ECHS1: variants seen among roughly 807,000 people sequenced by gnomAD.
The protein encoded by ECHS1 is enoyl-CoA hydratase, mitochondrial.
ECHS1 carries 19 observed loss-of-function variants against 33.5 expected under a neutral mutation model. The observed-to-expected ratio is 0.57, with a 90% CI of 0.40 to 0.83. The LOEUF (loss-of-function observed/expected upper bound fraction) is 0.83. ECHS1 is among the 40% of genes least tolerant of loss of function. The pLI, the probability that ECHS1 is intolerant of heterozygous loss-of-function variation, is 0.00. For missense variants in ECHS1, 365 were observed against 381.3 expected (o/e 0.96, Z 0.36); for synonymous variants, 158 against 146.6 (o/e 1.08, Z -0.56).
chr10:133,370,489 G>T, intron 2 of ECHS1, 71 bp downstream of exon 2: 1 of 1,410,516 alleles, frequency 7.1e-7, no homozygotes. Flanking sequence ...AATCTGTCTG[G>T]AGGCTTCTCC....
chr10:133,363,990 G>T (rs145643450), intron 7 of ECHS1, among the ~76,000 whole-genome samples: 29 of 151,994 alleles, frequency 1.9e-4, no homozygotes, highest in African/African-American at 6.8e-4. Context: ...CTGTCTCCCA[G>T]GCTGGAGTGC....
chr10:133,366,057 C>G lies in ECHS1; in HGVS notation c.658G>C (p.Glu220Gln). The G allele has an allele frequency of 6.2e-7, 1 of 1,613,930 alleles. No individual in the cohort carries two copies. Among genetic ancestry groups the G allele is most frequent in the Non-Finnish European group, 8.5e-7 (1 of 1,180,022 alleles). ...SKICPVETLV[E>Q]EAIQCAEKIA... is the part of the protein sequence containing the mutation. ...TTTTCTGCACACTGGATGGCTTCTT[C>G]CACCAGTGTCTCAACAGGACAAATC... Residue 220 changes from glutamate to glutamine, a missense_variant, in exon 6 of 8, where the codon GAA becomes CAA. Transcript: ENST00000368547.
chr10:133,365,948 T>C (rs201457874), intron 6 of ECHS1, 28 bp downstream of exon 6: 123 of 1,612,500 alleles, frequency 7.6e-5, no homozygotes, highest in Middle Eastern at 6.6e-4. Flanking sequence ...CGGAGACCTC[T>C]CCAGTGTCTT....
In ECHS1 at chr10:133,364,720, C is replaced by T; in HGVS notation, c.745G>A (p.Glu249Lys). 6.2e-7 allele frequency: 1 copy of T among 1,613,466 alleles called. No individual in the cohort carries two copies. The highest frequency in any genetic ancestry group is 8.5e-7 in the Non-Finnish European group (1 of 1,179,532). Reference protein sequence around the residue: ...MAKESVNAAFEMTLTEGSKLE... With the variant: ...MAKESVNAAFKMTLTEGSKLE... ...TTACTTCCTTCTGTTAATGTCATTT[C>T]AAAAGCTGAAAAACAAAGTCCCAGA... is the stretch of plus-strand genomic sequence containing the variant. The change falls in exon 7 of 8, where the codon GAA becomes AAA. Residue 249 changes from glutamate to lysine, a missense_variant. Transcript: ENST00000368547.
chr10:133,370,153 C>G (rs966974240), intron 2 of ECHS1, 122 bp from the exon 3 acceptor site: 3 of 1,373,998 alleles, frequency 2.2e-6, no homozygotes, highest in African/African-American at 1.4e-5. Flanking sequence ...TTGCTGGGCA[C>G]GGCTGACACC....
In ECHS1 at chr10:133,362,595, C is replaced by G; in HGVS notation, c.*273G>C. The stretch of plus-strand genomic sequence containing the variant: ...CAGGGACACAAGGACCCGCAGGCCC[C>G]GCTTTCCGTCCGAGCACAGCATGCC... On this transcript the variant is annotated 3_prime_UTR_variant, in exon 8 of 8. Coordinates refer to ENST00000368547, the MANE Select transcript of ECHS1 (RefSeq NM_004092.4). 2.0e-6 allele frequency: 1 copy of G among 503,992 alleles called. No individual in the cohort carries two copies. Among genetic ancestry groups the G allele is most frequent in the Admixed American group, 3.4e-5 (1 of 29,478 alleles). 31.2% of individuals were successfully genotyped at this position (503,992 alleles called of 1,614,324 possible).
At chr10:133,370,530 A>G (rs1849090412) in intron 2 of ECHS1, 30 bp downstream of exon 2, 1 of 1,486,544 alleles carries the variant, frequency 6.7e-7, no homozygotes, top group African/African-American at 1.4e-5. Flanking sequence ...ACATCTGCCC[A>G]GACACAAAGG....
At chr10:133,371,406 G>A (rs1849107286) in intron 1 of ECHS1, 1 of 152,846 alleles carries the variant, frequency 6.5e-6, no homozygotes, top group East Asian at 1.9e-4. Flanking sequence ...GGACTCTGCT[G>A]AGACAAGGCA....
intron 4 of ECHS1, among the ~76,000 whole-genome samples, chr10:133,368,314 C>T (rs1324034400): frequency 1.3e-5 from 2 of 152,152 alleles, no homozygotes; most frequent in Admixed American, 6.5e-5. Context: ...ACAAATGCAC[C>T]GAGCTCACAG....
intron 1 of ECHS1, among the ~76,000 whole-genome samples, chr10:133,372,963 G>C (rs1589884483): frequency 2.4e-5 from 1 of 41,506 alleles, no homozygotes; most frequent in Non-Finnish European, 5.1e-5. Context: ...CAGGTGGGGG[G>C]GTGCGGGGTC....
At chr10:133,363,092 A>G (rs923926162) in intron 7 of ECHS1, among the ~76,000 whole-genome samples, 159 bp from the exon 8 acceptor site, 9 of 152,180 alleles carry the variant, frequency 5.9e-5, no homozygotes, top group African/African-American at 2.2e-4. Flanking sequence ...CTGCCCAATC[A>G]GAGCTGGGCC....
In ECHS1 at chr10:133,371,255, T is replaced by C. The variant is rs190929574; in HGVS notation, c.89-498A>G. ...TCATGCCACTGCACTCCAGCCTGGG[T>C]GACAGAGTGAGACTCCGTCTCAAAA... On this transcript the variant is annotated intron_variant, in intron 1 of 7. Transcript: ENST00000368547. Among the ~76,000 whole-genome samples, 11 of 151,542 alleles carry C rather than the reference T, an allele frequency of 7.3e-5. No individual in the cohort carries two copies. The East Asian group carries it at 1.2e-3, about 16-fold the overall frequency.
intron 4 of ECHS1, among the ~76,000 whole-genome samples, chr10:133,367,625 T>C (rs1849050426): frequency 6.6e-6 from 1 of 151,852 alleles, no homozygotes; most frequent in Non-Finnish European, 1.5e-5. Context: ...CAGCTTCTTG[T>C]GAGAGGCTGG....
At chr10:133,363,951 AC>A (rs200664067) in intron 7 of ECHS1, among the ~76,000 whole-genome samples, 3,778 of 152,102 alleles carry the variant, frequency 0.025, 148 homozygotes, top group African/African-American at 0.085. Context: ...AAAATGAGTT[AC>A]ATTTTTTTTT....
At chr10:133,364,568 G>A (rs1435809252) in intron 7 of ECHS1, 90 bp downstream of exon 7, 9 of 1,045,178 alleles carry the variant, frequency 8.6e-6, no homozygotes, top group Admixed American at 3.8e-5. Context: ...AGAAAGAAAC[G>A]ATACTTAATG....
Position 133,370,056 on chromosome 10 carries a change from C to T in ECHS1, c.287-25G>A, listed in dbSNP as rs757460810. 11 of 1,612,866 alleles carry T rather than the reference C, an allele frequency of 6.8e-6. No individual in the cohort carries two copies. The African/African-American group carries it at 9.3e-5, about 14-fold the overall frequency. On this transcript the variant is annotated intron_variant, in intron 2 of 7. Coordinates refer to ENST00000368547, the MANE Select transcript of ECHS1 (RefSeq NM_004092.4). ...GCTAGCAGGAGTGGAAAGGAGGTTC[C>T]AGTTACCAGAGAGCAGAGAGCCCAC...
Position 133,362,585 on chromosome 10 carries a change from C to T in ECHS1, c.*283G>A, listed in dbSNP as rs1274041725. ...TCTTCAGCGGCAGGGACACAAGGAC[C>T]CGCAGGCCCCGCTTTCCGTCCGAGC... On this transcript the variant is annotated 3_prime_UTR_variant, in exon 8 of 8. Coordinates refer to ENST00000368547, the MANE Select transcript of ECHS1 (RefSeq NM_004092.4). 4 of 495,348 alleles carry T rather than the reference C, an allele frequency of 8.1e-6. No homozygotes were observed. The highest frequency in any genetic ancestry group is 3.6e-5 in the East Asian group (1 of 27,650). The allele number at this position is 495,348 out of a possible 1,614,324, so 30.7% of individuals were successfully genotyped here.
chr10:133,369,076 C>T (rs1401720965), intron 3 of ECHS1, 54 bp from the exon 4 acceptor site: 45 of 1,543,212 alleles, frequency 2.9e-5, no homozygotes, highest in Middle Eastern at 1.7e-4. Flanking sequence ...AGTCAGAAAT[C>T]ACTCTGCTTG....
At chr10:133,364,785 C>T (rs1389178644) in intron 6 of ECHS1, 60 bp from the exon 7 acceptor site, 26 of 1,373,318 alleles carry the variant, frequency 1.9e-5, no homozygotes, top group Non-Finnish European at 2.4e-5. Context: ...TTTTCCTGCA[C>T]GGTGACAGGA....
Sources: gnomAD v4.1 joint callset for allele counts (sites outside exome capture counted in the v4.1 genomes callset) on GRCh38, gnomAD v4.1.1 for gene constraint, MANE v1.5 for transcripts, NCBI Gene and HGNC (gene_info 2026-07-23, HGNC 2026-07-21) for gene names.